The following SEZ6L2 variants were observed in gnomAD, a reference collection of about 807,000 sequenced individuals.
SEZ6L2 encodes seizure related 6 homolog like 2.
A neutral mutation model predicts 97.0 loss-of-function variants in SEZ6L2; 44 were observed. The ratio of observed to expected loss-of-function variants is 0.45; its 90% CI spans 0.36 to 0.58. The LOEUF (loss-of-function observed/expected upper bound fraction) is 0.58, where lower values mean the gene tolerates loss of function less well. Among genes scored for constraint, SEZ6L2 ranks in the 20% least tolerant of loss-of-function variants. SEZ6L2 has a pLI of 0.00. For synonymous variants in SEZ6L2, 543 were observed against 546.1 expected (o/e 0.99, Z 0.08); for missense variants, 1,086 against 1,233.3 (o/e 0.88, Z 1.79).
chr16:29,895,051 C>T (rs577173858), intron 5 of SEZ6L2, among the ~76,000 whole-genome samples: 3 of 151,836 alleles, frequency 2.0e-5, no homozygotes, highest in African/African-American at 7.2e-5. Flanking sequence ...TGGTGGCGGG[C>T]GTCTGTAGTC....
intron 5 of SEZ6L2, among the ~76,000 whole-genome samples, chr16:29,894,500 C>T (rs1432496777): frequency 1.4e-5 from 2 of 139,608 alleles, no homozygotes; most frequent in Non-Finnish European, 3.0e-5. Flanking sequence ...AAGAAGATGT[C>T]CCCATATTCC....
chr16:29,874,767 C>A (rs766981165), intron 12 of SEZ6L2, among the ~76,000 whole-genome samples: 1 of 151,732 alleles, frequency 6.6e-6, no homozygotes, highest in African/African-American at 2.4e-5. Context: ...GACAGGGTTT[C>A]GCCATGTTGG....
chr16:29,873,803 A>G lies in SEZ6L2; in HGVS notation c.2105-74T>C, dbSNP rs2067841397. ...AGCCTGGGCAACACAGAGAGACCCC[A>G]TCTCTACAAAAAATTGAAAAATTAG... On this transcript the variant is annotated intron_variant, in intron 12 of 17. Transcript: ENST00000617533. The surrounding 1 kb of genome is among the most constrained non-coding windows in gnomAD (Gnocchi z 4.3). 4 of 1,362,498 alleles carry G rather than the reference A, an allele frequency of 2.9e-6. No individual in the cohort carries two copies. The highest frequency in any genetic ancestry group is 3.9e-6 in the Non-Finnish European group (4 of 1,015,384). The allele number at this position is 1,362,498 out of a possible 1,614,324, so 84.4% of individuals were successfully genotyped here.
In SEZ6L2 at chr16:29,885,752, G is replaced by T. The variant is rs772750145; in HGVS notation, c.1209-3C>A. On this transcript the variant is annotated splice_region_variant and splice_polypyrimidine_tract_variant and intron_variant, in intron 7 of 17. Transcript: ENST00000617533. ...TGCCCCCTGAGCGCACCATCAGCCT[G>T]GGATGGACAGAAACGTGACCAGGAG... is the stretch of plus-strand genomic sequence containing the variant. 8.8e-6 allele frequency: 14 copies of T among 1,596,558 alleles called. No homozygotes were observed.
intron 8 of SEZ6L2, 126 bp downstream of exon 8, chr16:29,885,459 GA>G: frequency 2.0e-6 from 2 of 999,534 alleles, no homozygotes; most frequent in Non-Finnish European, 3.0e-6. Context: ...GCAGGGAAGC[GA>G]GTCACGTTTC....
intron 5 of SEZ6L2, among the ~76,000 whole-genome samples, chr16:29,893,683 T>A (rs1156619065): frequency 1.3e-5 from 2 of 151,752 alleles, no homozygotes; most frequent in Non-Finnish European, 2.9e-5. Context: ...TATCTGCCTG[T>A]CACACCTGCA....
In SEZ6L2 at chr16:29,873,275, G is replaced by T. The variant is rs1344861560; in HGVS notation, c.2453C>A (p.Pro818His). The change falls in exon 14 of 18, where the codon CCC (proline) becomes CAC (histidine). Residue 818 changes from proline (P) to histidine (H), a missense_variant. Coordinates refer to ENST00000617533, the MANE Select transcript of SEZ6L2 (RefSeq NM_001243332.2). The surrounding 1 kb of genome is among the most constrained non-coding windows in gnomAD (Gnocchi z 4.3). ...TGGGGGCTGGCTGGTCCACTGGGAGGGGTGGCCGGGCACACAGGTGATGGT... is the reference window on the plus strand; with the variant it reads ...TGGGGGCTGGCTGGTCCACTGGGAGTGGTGGCCGGGCACACAGGTGATGGT... ...EVTITCVPGH[P>H]SQWTSQPPLC... 6.2e-7 allele frequency: 1 copy of T among 1,614,096 alleles called. No individual in the cohort carries two copies. Among genetic ancestry groups the T allele is most frequent in the Non-Finnish European group, 8.5e-7 (1 of 1,180,002 alleles).
At position 29,876,793 on chromosome 16, in the gene SEZ6L2, G is replaced by T; in HGVS notation, c.2067C>A (p.Asp689Glu). 1 of 1,584,488 alleles carries T rather than the reference G, an allele frequency of 6.3e-7. No homozygotes were observed. Among genetic ancestry groups the T allele is most frequent in the Non-Finnish European group, 8.6e-7 (1 of 1,166,250 alleles). The change falls in exon 12 of 18, where the codon GAC becomes GAA. Residue 689 changes from aspartate (D) to glutamate (E), a missense_variant. Physicochemically the swap from Asp to Glu is conservative, Grantham distance 45. Around this residue, in one of 2 missense-constraint regions of SEZ6L2, gnomAD observed 310 missense variants for 438.6 expected, o/e 0.71. Transcript: ENST00000617533. The surrounding 1 kb of genome is among the most constrained non-coding windows in gnomAD (Gnocchi z 6.5). Reference protein sequence around the residue: ...LGSDILTCQWDLSWSAAPPAC... With the variant: ...LGSDILTCQWELSWSAAPPAC... ...CGGGCGGCGCGGCGCTCCAAGACAG[G>T]TCCCACTGGCAAGTGAGAATGTCGG...
At position 29,872,728 on chromosome 16, in the gene SEZ6L2, A is replaced by G. The variant is rs750942367; in HGVS notation, c.2504T>C (p.Leu835Pro). 1.2e-6 allele frequency: 2 copies of G among 1,612,576 alleles called. No homozygotes were observed. The highest frequency in any genetic ancestry group is 1.7e-5 in the Admixed American group (1 of 59,942). ...ACCTTCCAGTTTTCGGTTGTCCAGGAGCTCCTCATAGGCAACTGCAGGGAG... is the reference window on the plus strand; with the variant it reads ...ACCTTCCAGTTTTCGGTTGTCCAGGGGCTCCTCATAGGCAACTGCAGGGAG... ...PPLCKVAYEE[L>P]LDNRKLEVTQ... The change falls in exon 15 of 18, where the codon CTC becomes CCC. Residue 835 changes from leucine to proline, a missense_variant. Coordinates refer to ENST00000617533, the MANE Select transcript of SEZ6L2 (RefSeq NM_001243332.2).
intron 5 of SEZ6L2, 44 bp from the exon 6 acceptor site, chr16:29,888,769 C>T: frequency 1.3e-6 from 2 of 1,547,624 alleles, no homozygotes; most frequent in Non-Finnish European, 8.8e-7. Context: ...CTTTCCCATG[C>T]CACCCTCTCA....
At chr16:29,895,499 C>G in intron 4 of SEZ6L2, 39 bp from the exon 5 acceptor site, 3 of 1,602,176 alleles carry the variant, frequency 1.9e-6, no homozygotes, top group Non-Finnish European at 2.6e-6. Flanking sequence ...GGCAAGTCAG[C>G]CAGGTGTTTG....
rs1296507477 is a variant in SEZ6L2 at position 29,876,273 on chromosome 16, A to G, written c.2104+483T>C. On this transcript the variant is annotated intron_variant, in intron 12 of 17. Coordinates refer to ENST00000617533, the MANE Select transcript of SEZ6L2 (RefSeq NM_001243332.2). The surrounding 1 kb of genome is among the most constrained non-coding windows in gnomAD (Gnocchi z 6.5). ...GGGCTTCAATGATGGCATTCAAATA[A>G]ACCAAGTGCTCTGACAAGCCTTGGT... is the stretch of plus-strand genomic sequence containing the variant. 3.9e-5 allele frequency among the ~76,000 whole-genome samples: 6 copies of G among 152,136 alleles called. No homozygotes were observed. Among genetic ancestry groups the G allele is most frequent in the African/African-American group, 1.4e-4 (6 of 41,430 alleles).
At chr16:29,877,714 T>TTA (rs1282809020) in intron 10 of SEZ6L2, among the ~76,000 whole-genome samples, 18 of 152,182 alleles carry the variant, frequency 1.2e-4, no homozygotes, top group Non-Finnish European at 4.4e-5. Flanking sequence ...AGCTTGCACA[T>TTA]TACTAACTCC....
At chr16:29,888,435 A>T (rs2150804202) in intron 6 of SEZ6L2, 105 bp downstream of exon 6, 1 of 1,248,660 alleles carries the variant, frequency 8.0e-7, no homozygotes, top group South Asian at 1.4e-5. Flanking sequence ...ACACCCCTTC[A>T]GAATGGGTTT....
Position 29,896,957 on chromosome 16 carries a change from G to T in SEZ6L2, c.376C>A (p.Pro126Thr). The T allele has an allele frequency of 1.9e-6, 3 of 1,596,272 alleles. No homozygotes were observed. Among genetic ancestry groups the T allele is most frequent in the Non-Finnish European group, 2.6e-6 (3 of 1,172,758 alleles). The stretch of plus-strand genomic sequence containing the variant: ...GGGGGTGGGGCTGTGGTTCCTGGGG[G>T]CGGGGTCAGCAGTTCTGGCGCAGTG... ...GPTAPELLTP[P>T]PGTTAPPPPS... Residue 126 changes from proline (P) to threonine (T), a missense_variant, in exon 3 of 18, where the codon CCC (proline) becomes ACC (threonine). Around this residue, in one of 2 missense-constraint regions of SEZ6L2, gnomAD observed 776 missense variants for 794.7 expected, o/e 0.98. Coordinates refer to ENST00000617533, the MANE Select transcript of SEZ6L2 (RefSeq NM_001243332.2).
intron 2 of SEZ6L2, 92 bp from the exon 3 acceptor site, chr16:29,897,213 G>T: frequency 2.6e-6 from 3 of 1,139,516 alleles, no homozygotes; most frequent in South Asian, 1.6e-5. Flanking sequence ...GGGTTCCCCT[G>T]CCATACCACA....
intron 8 of SEZ6L2, among the ~76,000 whole-genome samples, chr16:29,880,656 C>T (rs1458431796): frequency 2.0e-5 from 3 of 151,798 alleles, no homozygotes; most frequent in Non-Finnish European, 4.4e-5. Flanking sequence ...GGGGTTTCAC[C>T]ATGTCGGCTA....
intron 5 of SEZ6L2, among the ~76,000 whole-genome samples, chr16:29,891,933 G>A (rs1340382852): frequency 6.6e-6 from 1 of 152,164 alleles, no homozygotes; most frequent in Non-Finnish European, 1.5e-5. Flanking sequence ...CCACCCCTCA[G>A]CCTCAATTAA....
chr16:29,878,246 G>A (rs773490286), intron 10 of SEZ6L2, 41 bp downstream of exon 10: 8 of 1,525,998 alleles, frequency 5.2e-6, no homozygotes, highest in South Asian at 3.8e-5. Flanking sequence ...ACACTTTGCT[G>A]AGCCTACACC....
Sources: gnomAD v4.1 joint callset for allele counts (sites outside exome capture counted in the v4.1 genomes callset) on GRCh38, gnomAD v4.1.1 for gene constraint, gnomAD v4.1.1 regional missense constraint, Gnocchi (gnomAD v3.1) non-coding constraint, MANE v1.5 for transcripts, NCBI Gene and HGNC (gene_info 2026-07-23, HGNC 2026-07-21) for gene names.